The following CDC5L variants were observed in gnomAD, a reference collection of about 807,000 sequenced individuals.
The protein encoded by CDC5L is cell division cycle 5 like.
A neutral mutation model predicts 104.1 loss-of-function variants in CDC5L; 18 were observed. The observed-to-expected ratio is 0.17, with a 90% CI of 0.12 to 0.26. CDC5L has a LOEUF of 0.26. Ranked by LOEUF, CDC5L falls within the 10% of genes least tolerant of loss-of-function variation. CDC5L has a pLI of 1.00. For synonymous variants in CDC5L, 331 were observed against 322.7 expected (o/e 1.03, Z -0.28); for missense variants, 673 against 956.9 (o/e 0.70, Z 3.91).
chr6:44,423,602 C>A (rs2153381328), intron 10 of CDC5L, among the ~76,000 whole-genome samples: 1 of 152,248 alleles, frequency 6.6e-6, no homozygotes, highest in East Asian at 1.9e-4. Context: ...GGGGCTGTCT[C>A]AGATGGAGAC....
Position 44,432,305 on chromosome 6 carries a change from T to C in CDC5L, c.2091+2395T>C, listed in dbSNP as rs144085478. Among the ~76,000 whole-genome samples, 1,334 of 152,338 alleles carry C rather than the reference T, an allele frequency of 8.8e-3. 26 individuals carry two copies. Among genetic ancestry groups the C allele is most frequent in the Middle Eastern group, 0.01 (3 of 294 alleles). ...TGTTGTGGGGAAGGAACTCCAGTTA[T>C]ATTGTATAAACTAAATGCTATACTT... On this transcript the variant is annotated intron_variant, in intron 14 of 15. Coordinates refer to ENST00000371477, the MANE Select transcript of CDC5L (RefSeq NM_001253.4).
At chr6:44,436,891 G>A (rs1435331337) in intron 14 of CDC5L, among the ~76,000 whole-genome samples, 10 of 152,134 alleles carry the variant, frequency 6.6e-5, no homozygotes, top group African/African-American at 2.4e-4. Context: ...AGCTTTAATT[G>A]TATCAAGTGT....
chr6:44,442,402 TG>T (rs1318029400), intron 14 of CDC5L, among the ~76,000 whole-genome samples: 27 of 151,956 alleles, frequency 1.8e-4, no homozygotes, highest in African/African-American at 6.5e-4. Context: ...TGTGTGTGTG[TG>T]TGTGTGTCTT....
At position 44,395,673 on chromosome 6, in the gene CDC5L, C is replaced by G. The variant is rs562637197; in HGVS notation, c.440-668C>G. 4.6e-5 allele frequency among the ~76,000 whole-genome samples: 7 copies of G among 152,292 alleles called. No homozygotes were observed. In the East Asian group the frequency reaches 1.3e-3, roughly 29 times the overall value. On this transcript the variant is annotated intron_variant, in intron 4 of 15. Coordinates refer to ENST00000371477, the MANE Select transcript of CDC5L (RefSeq NM_001253.4). ...TAAAAATAGAAATATCAGGGCTTCTCCTGTATATACTGAGTCAGTACATCT... is the reference window on the plus strand; with the variant it reads ...TAAAAATAGAAATATCAGGGCTTCTGCTGTATATACTGAGTCAGTACATCT...
intron 8 of CDC5L, among the ~76,000 whole-genome samples, chr6:44,413,773 G>A (rs942013785): frequency 6.6e-6 from 1 of 151,938 alleles, no homozygotes; most frequent in Non-Finnish European, 1.5e-5. Flanking sequence ...TTGTAGAGAT[G>A]GGGGTCTCAC....
intron 14 of CDC5L, among the ~76,000 whole-genome samples, chr6:44,437,846 TA>T (rs1466646786): frequency 3.3e-5 from 5 of 152,232 alleles, no homozygotes; most frequent in African/African-American, 1.2e-4. Flanking sequence ...TAAAAAGCAT[TA>T]TATGTATTAA....
chr6:44,404,452 A>G (rs1245087193), intron 6 of CDC5L, among the ~76,000 whole-genome samples: 1 of 152,084 alleles, frequency 6.6e-6, no homozygotes, highest in Non-Finnish European at 1.5e-5. Flanking sequence ...TTATTAGTAC[A>G]ATGTGGCCTA....
chr6:44,441,546 A>G (rs570507224), intron 14 of CDC5L, among the ~76,000 whole-genome samples: 21 of 152,228 alleles, frequency 1.4e-4, no homozygotes, highest in Non-Finnish European at 2.6e-4. Context: ...ACTGTTTTCC[A>G]TAATGGCTGT....
Position 44,445,650 on chromosome 6 carries a change from T to G in CDC5L, c.2092-5T>G, listed in dbSNP as rs765306969. ...ATGCTGATGTGATCTTCCCCTGCTC[T>G]CCAGATAAACAGGGGTCACATGACG... is the stretch of plus-strand genomic sequence containing the variant. On this transcript the variant is annotated splice_polypyrimidine_tract_variant and splice_region_variant and intron_variant, in intron 14 of 15. Coordinates refer to ENST00000371477, the MANE Select transcript of CDC5L (RefSeq NM_001253.4). The G allele has an allele frequency of 1.1e-5, 17 of 1,605,898 alleles. No individual in the cohort carries two copies. The highest frequency in any genetic ancestry group is 1.4e-5 in the Non-Finnish European group (16 of 1,173,308).
At chr6:44,440,219 A>G (rs1003560023) in intron 14 of CDC5L, among the ~76,000 whole-genome samples, 1 of 147,294 alleles carries the variant, frequency 6.8e-6, no homozygotes, top group East Asian at 2.0e-4. Context: ...GCCTGCCTCC[A>G]CCTCCCATGG....
chr6:44,450,157 C>G lies in CDC5L; in HGVS notation c.*3446C>G, dbSNP rs1464040968. The G allele has an allele frequency of 6.6e-6, 1 of 152,220 alleles. No individual in the cohort carries two copies. The highest frequency in any genetic ancestry group is 2.4e-5 in the African/African-American group (1 of 41,444). The allele number at this position is 152,220 out of a possible 1,614,324, so 9.4% of individuals were successfully genotyped here. On this transcript the variant is annotated 3_prime_UTR_variant, in exon 16 of 16. Transcript: ENST00000371477. ...AGAATTACAGGTGTGAGCCACCATG[C>G]CCAGCCTGGTTATTGTATTTTGATA...
In CDC5L at chr6:44,393,504, A is replaced by C; in HGVS notation, c.370A>C (p.Lys124Gln). 1.9e-6 allele frequency: 3 copies of C among 1,614,078 alleles called. No homozygotes were observed. Among genetic ancestry groups the C allele is most frequent in the Non-Finnish European group, 2.5e-6 (3 of 1,179,948 alleles). The change falls in exon 4 of 16, where the codon AAA (lysine) becomes CAA (glutamine). Residue 124 changes from lysine (K) to glutamine (Q), a missense_variant. Coordinates refer to ENST00000371477, the MANE Select transcript of CDC5L (RefSeq NM_001253.4). ...EETTDDPRKLKPGEIDPNPET... is the reference protein window; with the variant it reads ...EETTDDPRKLQPGEIDPNPET... ...AACAACAGATGATCCACGAAAACTTAAACCTGGAGAAATAGATCCAAATCC... is the reference window on the plus strand; with the variant it reads ...AACAACAGATGATCCACGAAAACTTCAACCTGGAGAAATAGATCCAAATCC...
intron 9 of CDC5L, among the ~76,000 whole-genome samples, chr6:44,419,806 C>T (rs939575317): frequency 6.6e-6 from 1 of 152,088 alleles, no homozygotes; most frequent in Non-Finnish European, 1.5e-5. Flanking sequence ...GAGTCTCGCT[C>T]TGTTACCCAG....
rs749923178 is a variant in CDC5L at position 44,408,649 on chromosome 6, T to C, written c.1092+17T>C. The C allele has an allele frequency of 1.9e-6, 3 of 1,556,378 alleles. No homozygotes were observed. The South Asian group carries it at 3.5e-5, about 18-fold the overall frequency. ...ATTCTGCAGGTAACGTGTCACGTAG[T>C]AGAATGAGGCTTTTACTTTGTTTAT... On this transcript the variant is annotated intron_variant, in intron 8 of 15. Coordinates refer to ENST00000371477, the MANE Select transcript of CDC5L (RefSeq NM_001253.4).
At position 44,403,777 on chromosome 6, in the gene CDC5L, T is replaced by C. The variant is rs570813208; in HGVS notation, c.540-32T>C. 434 of 1,479,942 alleles carry C rather than the reference T, an allele frequency of 2.9e-4. 4 individuals carry two copies. The South Asian group carries it at 4.9e-3, about 17-fold the overall frequency. The allele number at this position is 1,479,942 out of a possible 1,614,324, so 91.7% of individuals were successfully genotyped here. A position where few individuals can be genotyped will look rare whatever the true frequency, so the allele number is the denominator to read the frequency against. ...TAATTTATCCCTGTCACATGGCATA[T>C]GATTTTCAAAGTGATTTTGCATTCT... On this transcript the variant is annotated intron_variant, in intron 5 of 15. Coordinates refer to ENST00000371477, the MANE Select transcript of CDC5L (RefSeq NM_001253.4).
intron 2 of CDC5L, 78 bp from the exon 3 acceptor site, chr6:44,392,589 A>C (rs558650965): frequency 5.4e-6 from 7 of 1,289,720 alleles, no homozygotes; most frequent in Non-Finnish European, 7.6e-6. Context: ...TGAGAGCACA[A>C]GTCAGTGTAT....
intron 9 of CDC5L, among the ~76,000 whole-genome samples, chr6:44,420,440 C>T (rs1792113156): frequency 6.6e-6 from 1 of 151,340 alleles, no homozygotes; most frequent in Non-Finnish European, 1.5e-5. Flanking sequence ...CTCATCACAA[C>T]CTCCGCCTCC....
At chr6:44,442,565 A>T (rs1793252246) in intron 14 of CDC5L, among the ~76,000 whole-genome samples, 2 of 152,174 alleles carry the variant, frequency 1.3e-5, no homozygotes, top group African/African-American at 4.8e-5. Context: ...TTAATTGCAT[A>T]CACAAACTAT....
intron 8 of CDC5L, among the ~76,000 whole-genome samples, chr6:44,414,289 G>A (rs1270543145): frequency 1.3e-5 from 2 of 151,690 alleles, no homozygotes; most frequent in Non-Finnish European, 2.9e-5. Flanking sequence ...TGTTGTCCAG[G>A]CTAGTCTTGA....
Sources: allele counts gnomAD v4.1 joint callset (sites outside exome capture counted in the v4.1 genomes callset), GRCh38; gene constraint gnomAD v4.1.1; transcripts MANE v1.5; gene names NCBI Gene and HGNC (gene_info 2026-07-23, HGNC 2026-07-21).